Variants in SEL1L3 observed in about 807,000 individuals in gnomAD.
SEL1L3 encodes SEL1L family member 3, also known as protein sel-1 homolog 3.
SEL1L3 carries 76 observed loss-of-function variants against 142.8 expected under a neutral mutation model. The observed-to-expected ratio is 0.53, with a 90% confidence interval of 0.44 to 0.64. The LOEUF (loss-of-function observed/expected upper bound fraction) is 0.64. Among genes scored for constraint, SEL1L3 ranks in the 30% least tolerant of loss-of-function variants. The pLI is 0.00. For missense variants in SEL1L3, 1,262 were observed against 1,381.7 expected, an observed-to-expected ratio of 0.91 and a Z score of 1.37; for synonymous variants, 504 against 519.6, an observed-to-expected ratio of 0.97 and a Z score of 0.41.
chr4:25,834,101 A>C (rs550304114), intron 3 of SEL1L3, among the ~76,000 whole-genome samples: 1 of 152,350 alleles, frequency 6.6e-6, no homozygotes, highest in South Asian at 2.1e-4. Flanking sequence ...TCATGCTCAG[A>C]TTAGGTTATT....
chr4:25,771,972 C>G lies in SEL1L3; in HGVS notation c.2670-4142G>C, dbSNP rs1173620077. Reference sequence around the variant, plus strand: ...AATCTTGGAACAACATAGAAAAGCACAAGCTCATCAAACTGACACATGTAA... The same window carrying G: ...AATCTTGGAACAACATAGAAAAGCAGAAGCTCATCAAACTGACACATGTAA... On this transcript the variant is annotated intron_variant, in intron 17 of 23. Transcript: ENST00000399878. Among the ~76,000 whole-genome samples, 17 of 152,284 alleles carry G rather than the reference C, an allele frequency of 1.1e-4. No individual in the cohort carries two copies. In the South Asian group the frequency reaches 2.1e-3, roughly 19 times the overall value.
rs1711993984 is a variant in SEL1L3, at chr4:25,788,232, G to A, written c.2209C>T (p.Leu737=). ...AATTAAGTGATTCTTACCTTGAATA[G>A]CACAATGGCATAGTCATAGATTAAC... ...PALIYDYAIV[L]FKGQGVKKNR... is the part of the protein sequence containing the mutation. The change falls in exon 13 of 24, where the codon CTA becomes TTA. Residue 737 remains leucine, a synonymous_variant. Coordinates refer to ENST00000399878, the MANE Select transcript of SEL1L3 (RefSeq NM_015187.5). The surrounding 1 kb of genome is among the most constrained non-coding windows in gnomAD (Gnocchi z 5.3). 1 of 1,613,568 alleles carries A rather than the reference G, an allele frequency of 6.2e-7. No individual in the cohort carries two copies. Among genetic ancestry groups the A allele is most frequent in the Admixed American group, 1.7e-5 (1 of 60,018 alleles).
chr4:25,767,400 A>AT (rs1718819503), intron 19 of SEL1L3, 125 bp downstream of exon 19: 4 of 652,412 alleles, frequency 6.1e-6, no homozygotes, highest in Non-Finnish European at 1.1e-5. Flanking sequence ...AATAGCAGAG[A>AT]TTTTTCACTT....
Position 25,804,718 on chromosome 4 carries a change from G to A in SEL1L3, c.1599C>T (p.Ile533=), listed in dbSNP as rs140664098. 8.7e-6 allele frequency: 14 copies of A among 1,613,562 alleles called. No individual in the cohort carries two copies. Among genetic ancestry groups the A allele is most frequent in the Middle Eastern group, 1.7e-4 (1 of 6,002 alleles). Residue 533 remains isoleucine (I), a synonymous_variant, in exon 10 of 24, where the codon ATC becomes ATT. Transcript: ENST00000399878. The part of the protein sequence containing the change: ...PRNQNESVSE[I]GGKIFEKAVK... ...CAGCCTTCTCAAATATCTTCCCACC[G>A]ATTTCTGATACAGATTCATTTTGGT...
intron 16 of SEL1L3, chr4:25,777,936 A>G (rs1400777135): frequency 1.3e-5 from 6 of 447,946 alleles, no homozygotes; most frequent in Admixed American, 4.9e-5. Context: ...TGTGGGCCAC[A>G]TATAGTCTCT....
At position 25,833,659 on chromosome 4, in the gene SEL1L3, C is replaced by A. The variant is rs974444258; in HGVS notation, c.861-90G>T. 6 of 1,187,448 alleles carry A rather than the reference C, an allele frequency of 5.1e-6. No individual in the cohort carries two copies. In the African/African-American group the frequency reaches 9.4e-5, roughly 19 times the overall value. 73.6% of individuals were successfully genotyped at this position (1,187,448 alleles called of 1,614,324 possible). A position where few individuals can be genotyped will look rare whatever the true frequency, so the allele number is the denominator to read the frequency against. ...TAACAATGACCAAGTAAATTGCTTTCTTTCCAATGAATGGATGAATTTGCC... is the reference window on the plus strand; with the variant it reads ...TAACAATGACCAAGTAAATTGCTTTATTTCCAATGAATGGATGAATTTGCC... On this transcript the variant is annotated intron_variant, in intron 3 of 23. Coordinates refer to ENST00000399878, the MANE Select transcript of SEL1L3 (RefSeq NM_015187.5).
At chr4:25,847,172 G>T in intron 2 of SEL1L3, 122 bp downstream of exon 2, 1 of 747,148 alleles carries the variant, frequency 1.3e-6, no homozygotes, top group Non-Finnish European at 2.2e-6. Flanking sequence ...CAGACTCATT[G>T]TGTCCCTCCA....
chr4:25,782,244 G>T lies in SEL1L3; in HGVS notation c.2455C>A (p.Gln819Lys). The T allele has an allele frequency of 6.2e-7, 1 of 1,613,288 alleles. No individual in the cohort carries two copies. The highest frequency in any genetic ancestry group is 1.1e-5 in the South Asian group (1 of 90,966). Residue 819 changes from glutamine (Q) to lysine (K), a missense_variant and splice_region_variant, in exon 15 of 24, where the codon CAA becomes AAA. Gln to Lys is a moderately conservative substitution (Grantham distance 53, BLOSUM62 1). Coordinates refer to ENST00000399878, the MANE Select transcript of SEL1L3 (RefSeq NM_015187.5). The stretch of plus-strand genomic sequence containing the variant: ...AGTGGGTCTCAAGTCCTACTCACTT[G>T]ATTCCTTCCAGGAACTCCAGGGAAG... ...GIFPGVPGRN[Q>K]TLAGEYFHKA...
At chr4:25,753,228 G>A (rs1404011790) in intron 23 of SEL1L3, among the ~76,000 whole-genome samples, 1 of 152,222 alleles carries the variant, frequency 6.6e-6, no homozygotes, top group Non-Finnish European at 1.5e-5. Flanking sequence ...GGAAAATGAA[G>A]GTAGTTGGAG....
chr4:25,768,832 A>C (rs1452232055), intron 17 of SEL1L3, among the ~76,000 whole-genome samples: 1 of 152,206 alleles, frequency 6.6e-6, no homozygotes, highest in Non-Finnish European at 1.5e-5. Context: ...GCAGAGTATA[A>C]AACAATGCAT....
At chr4:25,755,410 C>A (rs1030857818) in intron 23 of SEL1L3, among the ~76,000 whole-genome samples, 1 of 152,022 alleles carries the variant, frequency 6.6e-6, no homozygotes, top group African/African-American at 2.4e-5. Flanking sequence ...GTCTCCTGGT[C>A]TTTATTTCTT....
chr4:25,857,152 T>C (rs1717317180), intron 1 of SEL1L3, among the ~76,000 whole-genome samples: 1 of 152,190 alleles, frequency 6.6e-6, no homozygotes, highest in African/African-American at 2.4e-5. Flanking sequence ...AATTTCTGTC[T>C]ACTAGATATA....
Position 25,818,974 on chromosome 4 carries a change from G to A in SEL1L3, c.1424-696C>T, listed in dbSNP as rs141119966. On this transcript the variant is annotated intron_variant, in intron 8 of 23. Coordinates refer to ENST00000399878, the MANE Select transcript of SEL1L3 (RefSeq NM_015187.5). ...GTTTGAGATGCATCCCTCCCTCCACGACCTGGAATGAGAAGTTCCGCTCTG... is the reference window on the plus strand; with the variant it reads ...GTTTGAGATGCATCCCTCCCTCCACAACCTGGAATGAGAAGTTCCGCTCTG... Among the ~76,000 whole-genome samples, 6 of 152,252 alleles carry A rather than the reference G, an allele frequency of 3.9e-5. No individual in the cohort carries two copies. The East Asian group carries it at 1.2e-3, about 29-fold the overall frequency.
chr4:25,739,833 C>T, the SEL1L3 span, among the ~76,000 whole-genome samples: 5 of 151,748 alleles, frequency 3.3e-5, no homozygotes, highest in African/African-American at 1.2e-4. Context: ...AGCGTACATT[C>T]ACACATGTAC....
At chr4:25,798,825 T>C (rs557328171) in intron 11 of SEL1L3, among the ~76,000 whole-genome samples, 159 of 152,018 alleles carry the variant, frequency 1.0e-3, no homozygotes, top group South Asian at 1.5e-3. Context: ...TGAGACTCTG[T>C]TTCAAAAAAA....
the SEL1L3 span, among the ~76,000 whole-genome samples, chr4:25,726,228 TAAA>T: frequency 6.8e-5 from 10 of 146,276 alleles, no homozygotes; most frequent in Non-Finnish European, 6.0e-5. Flanking sequence ...CATCTTGGGT[TAAA>T]AAAAAAAAAA....
chr4:25,811,764 T>TG (rs1203957652), intron 9 of SEL1L3, among the ~76,000 whole-genome samples: 1,798 of 147,824 alleles, frequency 0.012, 24 homozygotes, highest in African/African-American at 0.035. Context: ...TTTTTTTTTT[T>TG]TTGTTGTTGT....
chr4:25,727,334 G>A, the SEL1L3 span, among the ~76,000 whole-genome samples: 1 of 152,122 alleles, frequency 6.6e-6, no homozygotes, highest in Non-Finnish European at 1.5e-5. Flanking sequence ...TTACAGGCAT[G>A]AGCCACCATG....
chr4:25,833,833 T>A (rs1184856839), intron 3 of SEL1L3, among the ~76,000 whole-genome samples: 3 of 152,226 alleles, frequency 2.0e-5, no homozygotes, highest in African/African-American at 7.2e-5. Context: ...TTTCTCTGCC[T>A]CTTTGAGAAT....
Sources: gnomAD v4.1 joint callset for allele counts (sites outside exome capture counted in the v4.1 genomes callset) on GRCh38, gnomAD v4.1.1 for gene constraint, Gnocchi (gnomAD v3.1) non-coding constraint, MANE v1.5 for transcripts, NCBI Gene and HGNC (gene_info 2026-07-23, HGNC 2026-07-21) for gene names.